KDM5C: variants seen among roughly 807,000 people sequenced by gnomAD.
KDM5C encodes the protein lysine-specific demethylase 5C.
In KDM5C, 16 loss-of-function variants were observed where a neutral mutation model predicts 110.6. The observed-to-expected ratio is 0.14, with a 90% CI of 0.10 to 0.22. The LOEUF is 0.22. Ranked by LOEUF, KDM5C falls within the 10% of genes least tolerant of loss-of-function variation. KDM5C has a pLI of 1.00. For missense variants in KDM5C, 681 were observed against 1,300.9 expected (o/e 0.52, Z 7.33); for synonymous variants, 511 against 520.4 (o/e 0.98, Z 0.24).
chrX:53,195,983 T>C lies in KDM5C; in HGVS notation c.3053A>G (p.Asn1018Ser). 1 of 1,211,282 alleles carries C rather than the reference T, an allele frequency of 8.3e-7. No individual in the cohort carries two copies. The highest frequency in any genetic ancestry group is 1.1e-6 in the Non-Finnish European group (1 of 895,002). Residue 1018 changes from asparagine to serine, a missense_variant, in exon 20 of 26, where the codon AAC (asparagine) becomes AGC (serine). This residue lies in a region of KDM5C where 66 missense variants were observed against 162.9 expected (regional missense o/e 0.41). Transcript: ENST00000375401. ...EAENIPVHLP[N>S]IQALKEALAK... ...AAGAGCCTCCTTGAGAGCCTGGATG[T>C]TGGGCAGGTGAACAGGGATGTTTTC...
chrX:53,215,481 G>T (rs2073713207), intron 7 of KDM5C, among the ~76,000 whole-genome samples: 1 of 112,048 alleles, frequency 8.9e-6, no homozygotes, highest in Non-Finnish European at 1.9e-5. Context: ...AGTGCTGGGG[G>T]ATGAGGCTAG....
chrX:53,221,922 C>A (rs188984352), intron 1 of KDM5C: 20 of 285,780 alleles, frequency 7.0e-5, no homozygotes, highest in Middle Eastern at 2.6e-3. Flanking sequence ...GAAGAACCCC[C>A]TCTCCAACAC....
rs1387572327 is a variant in KDM5C at position 53,193,245 on chromosome X, C to T, written c.4405G>A (p.Gly1469Ser). ...AGCTCCTCTCGGGCTGGGTCATCGC[C>T]CTCCCCACCCCGATCCACCTTCCGC... is the stretch of plus-strand genomic sequence containing the variant. The part of the protein sequence containing the change: ...RRRKVDRGGE[G>S]DDPAREELEP... The change falls in exon 26 of 26, where the codon GGC becomes AGC. Residue 1469 changes from glycine to serine, a missense_variant. Gly to Ser is a moderately conservative substitution (Grantham distance 56, BLOSUM62 0). Around this residue, in one of 14 missense-constraint regions of KDM5C, gnomAD observed 115 missense variants for 120.9 expected, o/e 0.95. Coordinates refer to ENST00000375401, the MANE Select transcript of KDM5C (RefSeq NM_004187.5). 5.0e-6 allele frequency: 6 copies of T among 1,207,171 alleles called. No homozygotes were observed. The highest frequency in any genetic ancestry group is 6.7e-6 in the Non-Finnish European group (6 of 894,875).
At chrX:53,216,003 C>T (rs782594891) in intron 6 of KDM5C, 27 bp from the exon 7 acceptor site, 85 of 1,210,457 alleles carry the variant, frequency 7.0e-5, no homozygotes, top group Non-Finnish European at 9.0e-5. Context: ...TGGCTGTAAA[C>T]ACAGGTCTAG....
At chrX:53,194,843 AG>A in intron 22 of KDM5C, 87 bp downstream of exon 22, 3 of 1,190,887 alleles carry the variant, frequency 2.5e-6, no homozygotes, top group Non-Finnish European at 3.4e-6. Flanking sequence ...ACTGAGGCTC[AG>A]GGGACAAGCG....
chrX:53,218,646 G>T (rs1556853275), intron 2 of KDM5C: 2 of 453,350 alleles, frequency 4.4e-6, no homozygotes, highest in Admixed American at 5.6e-5. Flanking sequence ...TGCAATCACG[G>T]CTGACTGTAG....
intron 12 of KDM5C, among the ~76,000 whole-genome samples, chrX:53,208,967 C>A (rs1188747489): frequency 1.8e-5 from 2 of 108,314 alleles, no homozygotes; most frequent in Non-Finnish European, 3.8e-5. Flanking sequence ...AGGCGTGCGC[C>A]ACCATACCTG....
At chrX:53,180,719 C>CTT (rs1173641591) in intron 25 of KDM5C, among the ~76,000 whole-genome samples, 1,278 of 30,296 alleles carry the variant, frequency 0.042, 445 homozygotes, top group African/African-American at 0.059. Context: ...CCACACCCGG[C>CTT]TTTTTTTTTT....
intron 25 of KDM5C, among the ~76,000 whole-genome samples, chrX:53,182,664 G>A (rs1463416746): frequency 8.8e-6 from 1 of 113,203 alleles, no homozygotes; most frequent in African/African-American, 3.2e-5. Flanking sequence ...ACTGCGCCTG[G>A]CCTCCTTTGC....
downstream of KDM5C, among the ~76,000 whole-genome samples, chrX:53,189,220 A>G: frequency 8.9e-6 from 1 of 112,002 alleles, no homozygotes; most frequent in Non-Finnish European, 1.9e-5. Context: ...TGAATTCCCA[A>G]CCTACCAACA....
At chrX:53,215,693 C>A in intron 7 of KDM5C, 102 bp downstream of exon 7, 1 of 905,662 alleles carries the variant, frequency 1.1e-6, no homozygotes, top group Non-Finnish European at 1.6e-6. Context: ...CCCATGGAGG[C>A]CCGCTTTTGT....
intron 12 of KDM5C, among the ~76,000 whole-genome samples, chrX:53,209,500 C>CAG (rs1255273130): frequency 8.9e-6 from 1 of 112,091 alleles, no homozygotes; most frequent in Non-Finnish European, 1.9e-5. Context: ...CCCTACTGTA[C>CAG]AGATATCTAG....
rs1556837062 is a variant in KDM5C, at chrX:53,196,694, C to G, written c.2973G>C (p.Leu991=). The change falls in exon 19 of 26, where the codon CTG becomes CTC. Residue 991 remains leucine (L), a synonymous_variant. Coordinates refer to ENST00000375401, the MANE Select transcript of KDM5C (RefSeq NM_004187.5). ...ERWEEKAHLC[L]EARQKHPPAT... ...GCAGCAGCTGGACCTACCTGGCCTC[C>G]AGGCAGAGGTGGGCTTTCTCCTCCC... 1.7e-6 allele frequency: 2 copies of G among 1,209,456 alleles called. No individual in the cohort carries two copies. The highest frequency in any genetic ancestry group is 1.8e-5 in the South Asian group (1 of 56,954).
intron 12 of KDM5C, among the ~76,000 whole-genome samples, chrX:53,207,052 C>G (rs139210591): frequency 1.9e-5 from 2 of 105,056 alleles, no homozygotes; most frequent in Non-Finnish European, 3.9e-5. Context: ...TGGCTCATGC[C>G]TGTAGTCCTA....
intron 20 of KDM5C, 158 bp from the exon 21 acceptor site, chrX:53,195,568 C>T (rs1387380784): frequency 1.8e-6 from 1 of 546,015 alleles, no homozygotes; most frequent in Admixed American, 2.7e-5. Context: ...CTCTCTCCCA[C>T]AACACCGGCA....
intron 12 of KDM5C, among the ~76,000 whole-genome samples, chrX:53,205,840 T>A (rs1602195460): frequency 8.9e-6 from 1 of 111,930 alleles, no homozygotes; most frequent in African/African-American, 3.3e-5. Flanking sequence ...AATGATCTAG[T>A]CCCAGGCTTA....
rs142696706 is a variant in KDM5C at position 53,221,530 on chromosome X, G to C, written c.151-614C>G. Among the ~76,000 whole-genome samples, 164 of 112,401 alleles carry C rather than the reference G, an allele frequency of 1.5e-3. 2 individuals are homozygous for C. Among genetic ancestry groups the C allele is most frequent in the Admixed American group, 9.9e-3 (105 of 10,650 alleles). On this transcript the variant is annotated intron_variant, in intron 1 of 25. Transcript: ENST00000375401. The stretch of plus-strand genomic sequence containing the variant: ...CCGTTATGACCTGACATCTAAGGCT[G>C]ACCACACCTCACAATACACATGCAG...
chrX:53,218,825 C>T (rs1047344483), intron 2 of KDM5C: 3 of 258,117 alleles, frequency 1.2e-5, no homozygotes, highest in East Asian at 1.1e-4. Context: ...CCATCCACTT[C>T]GGCCTCCCAA....
At chrX:53,199,587 C>A (rs1429744883) in intron 14 of KDM5C, among the ~76,000 whole-genome samples, 1 of 111,743 alleles carries the variant, frequency 8.9e-6, no homozygotes, top group African/African-American at 3.3e-5. Flanking sequence ...AGGCACCACG[C>A]TGGCCACTTA....
Sources: gnomAD v4.1 joint callset for allele counts (sites outside exome capture counted in the v4.1 genomes callset) on GRCh38, gnomAD v4.1.1 for gene constraint, gnomAD v4.1.1 regional missense constraint, MANE v1.5 for transcripts, NCBI Gene and HGNC (gene_info 2026-07-23, HGNC 2026-07-21) for gene names.